TDRKH: variants seen among roughly 807,000 people sequenced by gnomAD.
The protein encoded by TDRKH is tudor and KH domain containing.
TDRKH carries 28 observed loss-of-function variants against 61.3 expected under a neutral mutation model. That is an observed-to-expected ratio of 0.46 (90% CI 0.34 to 0.63). TDRKH has a LOEUF of 0.63. Among genes scored for constraint, TDRKH ranks in the 20% least tolerant of loss-of-function variants. The probability of loss-of-function intolerance (pLI) is 0.01; values close to 1 mark genes in which losing one functional copy is unlikely to be tolerated. For missense variants in TDRKH, 540 were observed against 683.4 expected, an observed-to-expected ratio of 0.79 and a Z score of 2.34; for synonymous variants, 219 against 244.4, an observed-to-expected ratio of 0.90 and a Z score of 0.97.
Position 151,778,723 on chromosome 1 carries a change from G to C in TDRKH, c.845C>G (p.Ser282Cys), listed in dbSNP as rs1419584042. Residue 282 changes from serine (S) to cysteine (C), a missense_variant, in exon 6 of 13, where the codon TCT becomes TGT. Physicochemically the swap from Ser to Cys is moderately radical, Grantham distance 112. Coordinates refer to ENST00000368824, the MANE Select transcript of TDRKH (RefSeq NM_001083965.2). ...CATCTCTGGGATGGCCTGGGCTTCA[G>C]ACTTCTGAAAGCTGTCATCACTAGG... ...EKPSDDSFQK[S>C]EAQAIPEMPM... 1.9e-6 allele frequency: 3 copies of C among 1,613,996 alleles called. No individual in the cohort carries two copies. In the East Asian group the frequency reaches 6.7e-5, roughly 36 times the overall value.
rs1572001703 is a variant in TDRKH at position 151,781,516 on chromosome 1, G to A, written c.196C>T (p.Leu66Phe). ...EMRVPQEAVK[L>F]IIGRQGANIK... Reference sequence around the variant, plus strand: ...TTGGCTCCTTGCCGGCCAATGATGAGTTTCACAGCCTCCTGGGGAACCCGC... The same window carrying A: ...TTGGCTCCTTGCCGGCCAATGATGAATTTCACAGCCTCCTGGGGAACCCGC... Residue 66 changes from leucine to phenylalanine, a missense_variant, in exon 3 of 13, where the codon CTC becomes TTC. Leu to Phe is a conservative substitution (Grantham distance 22, BLOSUM62 0). This residue lies in a region of TDRKH where 156 missense variants were observed against 218.0 expected (regional missense o/e 0.72). Transcript: ENST00000368824. 1.9e-6 allele frequency: 3 copies of A among 1,613,474 alleles called. No homozygotes were observed. The highest frequency in any genetic ancestry group is 2.5e-6 in the Non-Finnish European group (3 of 1,179,844).
rs528694959 is a variant in TDRKH at position 151,781,348 on chromosome 1, A to T, written c.231+133T>A. 6.0e-4 allele frequency: 109 copies of T among 182,016 alleles called. 3 individuals carry two copies. Among genetic ancestry groups the T allele is most frequent in the East Asian group, 4.9e-3 (63 of 12,798 alleles). 11.3% of individuals were successfully genotyped at this position (182,016 alleles called of 1,614,324 possible). A position where few individuals can be genotyped will look rare whatever the true frequency, so the allele number is the denominator to read the frequency against. On this transcript the variant is annotated intron_variant, in intron 3 of 12. Coordinates refer to ENST00000368824, the MANE Select transcript of TDRKH (RefSeq NM_001083965.2). ...AAAAAAATATATATATATATATTTTATATATACACACACACATACACACAC... is the reference window on the plus strand; with the variant it reads ...AAAAAAATATATATATATATATTTTTTATATACACACACACATACACACAC...
chr1:151,787,469 G>A (rs1176688223), intron 1 of TDRKH, among the ~76,000 whole-genome samples: 2 of 152,020 alleles, frequency 1.3e-5, no homozygotes, highest in Non-Finnish European at 2.9e-5. Flanking sequence ...CGCCCACCTC[G>A]GCCTCCCAAA....
rs575471924 is a variant in TDRKH, at chr1:151,781,719, A to G, written c.125-132T>C. The G allele has an allele frequency of 4.1e-6, 3 of 736,032 alleles. No homozygotes were observed. The Admixed American group carries it at 8.6e-5, about 21-fold the overall frequency. 45.6% of individuals were successfully genotyped at this position (736,032 alleles called of 1,614,324 possible). The stretch of plus-strand genomic sequence containing the variant: ...ATAAAGTGAGGATCTCAACCATAAC[A>G]ACAAGGAAAAGTGGCATCTGAATGG... On this transcript the variant is annotated intron_variant, in intron 2 of 12. Coordinates refer to ENST00000368824, the MANE Select transcript of TDRKH (RefSeq NM_001083965.2).
intron 5 of TDRKH, 28 bp downstream of exon 5, chr1:151,779,075 G>A: frequency 1.9e-6 from 3 of 1,613,640 alleles, no homozygotes. Context: ...TCATGCTCAG[G>A]TATAATTCAA....
chr1:151,767,121 C>T, downstream of TDRKH: 1 of 1,609,140 alleles, frequency 6.2e-7, no homozygotes, highest in Non-Finnish European at 8.5e-7. Flanking sequence ...CTTCCCACCT[C>T]AGATTCCAAG....
At chr1:151,777,803 G>A (rs547980198) in intron 6 of TDRKH, among the ~76,000 whole-genome samples, 6 of 144,648 alleles carry the variant, frequency 4.1e-5, no homozygotes, top group Non-Finnish European at 7.5e-5. Flanking sequence ...CTGTAGCCTC[G>A]ACTTCCTGGG....
At chr1:151,782,788 A>G in intron 2 of TDRKH, 111 bp downstream of exon 2, 2 of 1,398,940 alleles carry the variant, frequency 1.4e-6, no homozygotes, top group Non-Finnish European at 1.9e-6. Context: ...CCCACAAAAA[A>G]CCCCAAAACA....
At position 151,785,878 on chromosome 1, in the gene TDRKH, A is replaced by C. The variant is rs377690793; in HGVS notation, c.-27-2829T>G. The stretch of plus-strand genomic sequence containing the variant: ...ACTAAAGATAGGTGATAAAAAACTG[A>C]AAACTAAATATCTGTATTTCCAGAT... On this transcript the variant is annotated intron_variant, in intron 1 of 12. Transcript: ENST00000368824. Among the ~76,000 whole-genome samples the C allele has an allele frequency of 2.8e-4, 43 of 152,382 alleles. 2 individuals are homozygous for C. The East Asian group carries it at 8.3e-3, about 29-fold the overall frequency.
rs1454939078 is a variant in TDRKH, at chr1:151,778,725, C to A, written c.843G>T (p.Lys281Asn). 2 of 1,614,170 alleles carry A rather than the reference C, an allele frequency of 1.2e-6. No individual in the cohort carries two copies. Among genetic ancestry groups the A allele is most frequent in the Admixed American group, 3.3e-5 (2 of 60,018 alleles). ...WEKPSDDSFQ[K>N]SEAQAIPEMP... is the part of the protein sequence containing the mutation. ...TCTCTGGGATGGCCTGGGCTTCAGA[C>A]TTCTGAAAGCTGTCATCACTAGGTT... is the stretch of plus-strand genomic sequence containing the variant. The change falls in exon 6 of 13, where the codon AAG (lysine) becomes AAT (asparagine). Residue 281 changes from lysine to asparagine, a missense_variant. By Grantham distance (94) the Lys-to-Asn change is moderately conservative. This residue lies in a region of TDRKH where 379 missense variants were observed against 443.8 expected (regional missense o/e 0.85). Coordinates refer to ENST00000368824, the MANE Select transcript of TDRKH (RefSeq NM_001083965.2).
At chr1:151,777,283 A>G (rs1649278860) in intron 6 of TDRKH, among the ~76,000 whole-genome samples, 1 of 152,002 alleles carries the variant, frequency 6.6e-6, no homozygotes, top group Non-Finnish European at 1.5e-5. Context: ...CATCTCTACT[A>G]AAAAATACAA....
chr1:151,775,882 C>G lies in TDRKH; in HGVS notation c.1220G>C (p.Ser407Thr). ...TTGAAATGGAAGGCTTAGGAAGTCA[C>G]TCCTGAAGTAAAAGAAACTAAAATT... Reference protein sequence around the residue: ...CPLKDLRALRSDFLSLPFQAI... With the variant: ...CPLKDLRALRTDFLSLPFQAI... The change falls in exon 9 of 13, where the codon AGT becomes ACT. Residue 407 changes from serine to threonine, a missense_variant and splice_region_variant. Ser to Thr is a moderately conservative substitution (Grantham distance 58, BLOSUM62 1). Coordinates refer to ENST00000368824, the MANE Select transcript of TDRKH (RefSeq NM_001083965.2). The G allele has an allele frequency of 6.2e-7, 1 of 1,612,124 alleles. No homozygotes were observed. The highest frequency in any genetic ancestry group is 8.5e-7 in the Non-Finnish European group (1 of 1,178,286).
rs1435416575 is a variant in TDRKH, at chr1:151,790,494, A to G, written c.-142T>C. On this transcript the variant is annotated 5_prime_UTR_variant, in exon 1 of 13. Transcript: ENST00000368824. ...CGCCGCCTCCCACTCACACCACCAC[A>G]GTGAGCCCCGCCGGCGGCGCTTCAG... is the stretch of plus-strand genomic sequence containing the variant. 2 of 152,458 alleles carry G rather than the reference A, an allele frequency of 1.3e-5. No homozygotes were observed. The highest frequency in any genetic ancestry group is 2.4e-5 in the African/African-American group (1 of 41,404). 9.4% of individuals were successfully genotyped at this position (152,458 alleles called of 1,614,324 possible).
chr1:151,766,545 G>A (rs764741729), downstream of TDRKH: 88 of 642,782 alleles, frequency 1.4e-4, 1 homozygote, highest in Non-Finnish European at 2.1e-4. Context: ...TCGAATATGA[G>A]CCTTGGATAA....
At chr1:151,778,155 T>G (rs1649387822) in intron 6 of TDRKH, among the ~76,000 whole-genome samples, 1 of 152,170 alleles carries the variant, frequency 6.6e-6, no homozygotes, top group Non-Finnish European at 1.5e-5. Context: ...ATAGGTCTGC[T>G]AGCTTACATA....
chr1:151,770,290 G>A (rs560709543), downstream of TDRKH: 29 of 1,600,260 alleles, frequency 1.8e-5, 2 homozygotes, highest in Middle Eastern at 1.7e-4. Flanking sequence ...TGCTTTTCGC[G>A]CTGAGGCAGC....
intron 1 of TDRKH, among the ~76,000 whole-genome samples, chr1:151,787,356 C>G (rs1650418060): frequency 6.6e-6 from 1 of 152,058 alleles, no homozygotes; most frequent in Admixed American, 6.5e-5. Context: ...GTAGCTGGGA[C>G]GACAGGCACC....
chr1:151,788,525 G>C (rs1572017808), intron 1 of TDRKH, among the ~76,000 whole-genome samples: 1 of 152,238 alleles, frequency 6.6e-6, no homozygotes, highest in East Asian at 1.9e-4. Flanking sequence ...GGCCATAATT[G>C]ATGCTTATGG....
chr1:151,770,533 G>A (rs1035922472), downstream of TDRKH: 14 of 377,662 alleles, frequency 3.7e-5, no homozygotes, highest in Non-Finnish European at 6.7e-5. Flanking sequence ...TGGCCAGCAG[G>A]ACAAAATGGA....
Sources: gnomAD v4.1 joint callset for allele counts (sites outside exome capture counted in the v4.1 genomes callset) on GRCh38, gnomAD v4.1.1 for gene constraint, gnomAD v4.1.1 regional missense constraint, MANE v1.5 for transcripts, NCBI Gene and HGNC (gene_info 2026-07-23, HGNC 2026-07-21) for gene names.